The following TRIM37 variants were observed in gnomAD, a reference collection of about 807,000 sequenced individuals.
TRIM37 encodes E3 ubiquitin-protein ligase TRIM37.
A neutral mutation model predicts 129.8 loss-of-function variants in TRIM37; 80 were observed. The ratio of observed to expected loss-of-function variants is 0.62; its 90% CI spans 0.51 to 0.74. The LOEUF (loss-of-function observed/expected upper bound fraction) is 0.74, where lower values mean the gene tolerates loss of function less well. Ranked by LOEUF, TRIM37 falls within the 30% of genes least tolerant of loss-of-function variation. The probability of loss-of-function intolerance (pLI) is 0.00; values close to 1 mark genes in which losing one functional copy is unlikely to be tolerated. For synonymous variants in TRIM37, 389 were observed against 387.1 expected, an observed-to-expected ratio of 1.00 and a Z score of -0.06; for missense variants, 1,054 against 1,176.5, an observed-to-expected ratio of 0.90 and a Z score of 1.52.
At chr17:59,083,863 T>G (rs1398050939) in intron 5 of TRIM37, 139 bp downstream of exon 5, 1 of 727,562 alleles carries the variant, frequency 1.4e-6, no homozygotes, top group East Asian at 2.7e-5. Flanking sequence ...GTACAATACC[T>G]TTAATAAAGC....
At chr17:59,059,584 G>C in intron 12 of TRIM37, 1 of 152,540 alleles carries the variant, frequency 6.6e-6, no homozygotes. Flanking sequence ...TCCTGCCTTG[G>C]CCTCCCAAAG....
At chr17:59,082,179 G>A (rs1013458122) in intron 5 of TRIM37, among the ~76,000 whole-genome samples, 29 of 151,878 alleles carry the variant, frequency 1.9e-4, no homozygotes, top group African/African-American at 6.0e-4. Flanking sequence ...GCTGAGGCTG[G>A]AGAACCACTT....
At chr17:58,980,536 G>C, downstream of TRIM37, 1 of 1,614,204 alleles carries the variant, frequency 6.2e-7, no homozygotes, top group Non-Finnish European at 8.5e-7. The surrounding 1 kb of genome is among the most constrained non-coding windows in gnomAD (Gnocchi z 4.7). Flanking sequence ...CAGTTGAGAT[G>C]TTTGGTCCTG....
intron 13 of TRIM37, among the ~76,000 whole-genome samples, chr17:59,054,996 C>T (rs895573653): frequency 1.3e-5 from 2 of 151,704 alleles, no homozygotes; most frequent in African/African-American, 2.4e-5. Flanking sequence ...TCAGTATTTA[C>T]GTTCTATCCT....
intron 15 of TRIM37, 27 bp downstream of exon 15, chr17:59,049,151 A>C: frequency 6.3e-7 from 1 of 1,596,540 alleles, no homozygotes; most frequent in Non-Finnish European, 8.6e-7. Flanking sequence ...ATCAAACACA[A>C]AAATCTAAAA....
At chr17:59,078,918 T>A (rs887847283) in intron 7 of TRIM37, among the ~76,000 whole-genome samples, 12 of 152,120 alleles carry the variant, frequency 7.9e-5, no homozygotes, top group African/African-American at 2.7e-4. Context: ...AAGCAATTCA[T>A]GAAATGATAT....
chr17:59,027,569 C>T (rs2037379083), intron 19 of TRIM37, among the ~76,000 whole-genome samples: 1 of 152,160 alleles, frequency 6.6e-6, no homozygotes, highest in Non-Finnish European at 1.5e-5. Context: ...CCAGAAAATG[C>T]CATCATATTT....
chr17:59,005,147 T>C (rs1268077321), intron 22 of TRIM37, among the ~76,000 whole-genome samples: 3 of 152,216 alleles, frequency 2.0e-5, no homozygotes, highest in South Asian at 2.1e-4. Context: ...CTCTTATTAG[T>C]AGTGTTTCTG....
intron 19 of TRIM37, among the ~76,000 whole-genome samples, 160 bp from the exon 20 acceptor site, chr17:59,017,584 T>C (rs2036107565): frequency 6.6e-6 from 1 of 152,200 alleles, no homozygotes; most frequent in African/African-American, 2.4e-5. Context: ...TTTAGACTTT[T>C]GTCATAAAAC....
intron 4 of TRIM37, among the ~76,000 whole-genome samples, chr17:59,085,833 T>C (rs1175536761): frequency 1.3e-5 from 2 of 152,126 alleles, no homozygotes; most frequent in Non-Finnish European, 2.9e-5. Context: ...AAATGTGACA[T>C]ATACATACAA....
rs187718114 is a variant in TRIM37, at chr17:59,063,145, G to A, written c.861-497C>T. Among the ~76,000 whole-genome samples, 536 of 150,128 alleles carry A rather than the reference G, an allele frequency of 3.6e-3. 2 individuals are homozygous for A. Among genetic ancestry groups the A allele is most frequent in the Non-Finnish European group, 5.8e-3 (395 of 67,636 alleles). On this transcript the variant is annotated intron_variant, in intron 10 of 23. Transcript: ENST00000262294. The stretch of plus-strand genomic sequence containing the variant: ...CCCTAAGAAAAGACAAATTAAATGG[G>A]AAGAGGGATAAATTCTGTGTGGCTT...
chr17:58,975,149 C>T, the TRIM37 span, among the ~76,000 whole-genome samples: 4 of 152,152 alleles, frequency 2.6e-5, no homozygotes, highest in Non-Finnish European at 4.4e-5. Context: ...AACCAATTTA[C>T]GTTAATGATC....
chr17:58,992,269 AT>A (rs2032499091), intron 24 of TRIM37, among the ~76,000 whole-genome samples: 1 of 143,832 alleles, frequency 7.0e-6, no homozygotes, highest in Non-Finnish European at 1.5e-5. Flanking sequence ...ATAAATATAA[AT>A]ATATATATAT....
At chr17:59,057,225 A>C (rs1171943039) in intron 12 of TRIM37, among the ~76,000 whole-genome samples, 171 bp from the exon 13 acceptor site, 1 of 152,108 alleles carries the variant, frequency 6.6e-6, no homozygotes, top group African/African-American at 2.4e-5. Flanking sequence ...GGGTTTTTTT[A>C]TTTATTTAAG....
intron 3 of TRIM37, among the ~76,000 whole-genome samples, chr17:59,089,433 G>A (rs2044080546): frequency 6.6e-6 from 1 of 152,100 alleles, no homozygotes; most frequent in African/African-American, 2.4e-5. Context: ...ACAAGGTCAG[G>A]AGATCAAGAC....
intron 13 of TRIM37, among the ~76,000 whole-genome samples, 156 bp from the exon 14 acceptor site, chr17:59,051,484 A>G (rs2040340663): frequency 1.3e-5 from 2 of 152,244 alleles, no homozygotes; most frequent in African/African-American, 4.8e-5. Context: ...TGTAGTCCAC[A>G]GATTATGACA....
intron 9 of TRIM37, among the ~76,000 whole-genome samples, chr17:59,067,574 A>T (rs531402085): frequency 2.8e-4 from 43 of 152,340 alleles, no homozygotes; most frequent in African/African-American, 1.0e-3. Flanking sequence ...TATCAACTTG[A>T]CTATTTCTCC....
intron 7 of TRIM37, among the ~76,000 whole-genome samples, chr17:59,077,057 G>T (rs1014753709): frequency 2.6e-5 from 4 of 151,954 alleles, no homozygotes; most frequent in Non-Finnish European, 5.9e-5. Context: ...CAAAGTGCTG[G>T]GATTACAGGC....
chr17:59,104,514 T>A (rs373519640), intron 1 of TRIM37, 120 bp from the exon 2 acceptor site: 6 of 897,166 alleles, frequency 6.7e-6, no homozygotes, highest in African/African-American at 4.9e-5. Flanking sequence ...ATTTTAACTA[T>A]TCCATATCAG....
Sources: allele counts gnomAD v4.1 joint callset (sites outside exome capture counted in the v4.1 genomes callset), GRCh38; gene constraint gnomAD v4.1.1; non-coding constraint Gnocchi (gnomAD v3.1); transcripts MANE v1.5; gene names NCBI Gene and HGNC (gene_info 2026-07-23, HGNC 2026-07-21).